KIAA0825: variants seen among roughly 807,000 people sequenced by gnomAD.
KIAA0825 encodes the protein uncharacterized protein KIAA0825.
KIAA0825 carries 119 observed loss-of-function variants against 147.6 expected under a neutral mutation model. The observed-to-expected ratio is 0.81, with a 90% CI of 0.69 to 0.94. The LOEUF is 0.94. Ranked by LOEUF, KIAA0825 falls within the 40% of genes least tolerant of loss-of-function variation. The pLI is 0.00. For synonymous variants in KIAA0825, 470 were observed against 518.1 expected, an observed-to-expected ratio of 0.91 and a Z score of 1.26; for missense variants, 1,381 against 1,472.7, an observed-to-expected ratio of 0.94 and a Z score of 1.02.
intron 20 of KIAA0825, among the ~76,000 whole-genome samples, chr5:94,222,042 T>G (rs1773711534): frequency 6.6e-6 from 1 of 152,138 alleles, no homozygotes; most frequent in Non-Finnish European, 1.5e-5. Context: ...CCTCCCTTTA[T>G]CTCTCAGGGC....
At chr5:94,600,791 C>G (rs1050386434) in intron 1 of KIAA0825, among the ~76,000 whole-genome samples, 1 of 152,210 alleles carries the variant, frequency 6.6e-6, no homozygotes, top group African/African-American at 2.4e-5. Context: ...CATAGCTACT[C>G]TACAAAAGTG....
intron 20 of KIAA0825, among the ~76,000 whole-genome samples, chr5:94,271,701 C>T (rs974422798): frequency 6.6e-6 from 1 of 152,076 alleles, no homozygotes; most frequent in Non-Finnish European, 1.5e-5. Context: ...GAGCTGAGAC[C>T]AGGCCACTGC....
chr5:94,433,835 G>C (rs1756004882), intron 14 of KIAA0825, among the ~76,000 whole-genome samples: 1 of 152,146 alleles, frequency 6.6e-6, no homozygotes, highest in Non-Finnish European at 1.5e-5. Context: ...AGTTTTACTG[G>C]CAATTATTCT....
In KIAA0825 at chr5:94,581,243, C is replaced by G. The variant is rs377271119; in HGVS notation, c.-2+1190G>C. Among the ~76,000 whole-genome samples the G allele has an allele frequency of 3.3e-5, 5 of 152,266 alleles. No homozygotes were observed. The South Asian group carries it at 1.0e-3, about 32-fold the overall frequency. ...TAAAATTTGAACAGAATTATACCAA[C>G]GTCATGTCTTGTTATTTGGGTTTAC... is the stretch of plus-strand genomic sequence containing the variant. On this transcript the variant is annotated intron_variant, in intron 2 of 20. Transcript: ENST00000682413.
Position 94,475,088 on chromosome 5 carries a change from C to CAA in KIAA0825, c.1228-1571_1228-1570dup, listed in dbSNP as rs796762483. ...TGGGCAACAGAGCGAGACTCCATCT[C>CAA]AAAAAAAAAAAAAAATTCATCAAAA... On this transcript the variant is annotated intron_variant, in intron 7 of 20. Coordinates refer to ENST00000682413, the MANE Select transcript of KIAA0825 (RefSeq NM_001145678.3). Among the ~76,000 whole-genome samples the CAA allele has an allele frequency of 7.3e-3, 885 of 121,748 alleles. 7 individuals carry two copies. The highest frequency in any genetic ancestry group is 0.026 in the South Asian group (101 of 3,938). The allele number at this position is 121,748 out of a possible 152,430, so 79.9% of individuals were successfully genotyped here.
intron 20 of KIAA0825, among the ~76,000 whole-genome samples, chr5:94,261,312 AT>A (rs1456096154): frequency 2.0e-5 from 3 of 152,292 alleles, no homozygotes; most frequent in East Asian, 1.9e-4. Context: ...TTCAAAAAAA[AT>A]AATTAAAAAT....
At chr5:94,455,040 G>A (rs886458305) in intron 12 of KIAA0825, among the ~76,000 whole-genome samples, 1 of 152,172 alleles carries the variant, frequency 6.6e-6, no homozygotes, top group Non-Finnish European at 1.5e-5. Flanking sequence ...GGGGGCTGCG[G>A]ACATCCGAAG....
At chr5:94,516,518 C>A (rs948691309) in intron 5 of KIAA0825, among the ~76,000 whole-genome samples, 2 of 152,104 alleles carry the variant, frequency 1.3e-5, no homozygotes, top group Non-Finnish European at 2.9e-5. Context: ...AAAAAGAAAA[C>A]GTGGGCCGGG....
intron 20 of KIAA0825, among the ~76,000 whole-genome samples, chr5:94,333,086 T>C (rs1323847659): frequency 2.0e-5 from 3 of 152,252 alleles, no homozygotes. Context: ...TCTTTTTATC[T>C]TGTTAATTTG....
intron 20 of KIAA0825, among the ~76,000 whole-genome samples, chr5:94,205,268 C>CTTATATATATATATAT (rs1772047283): frequency 1.1e-5 from 1 of 90,308 alleles, no homozygotes; most frequent in African/African-American, 4.5e-5. Flanking sequence ...ACTATTTAAT[C>CTTATATATATATATAT]ATATATATAT....
intron 20 of KIAA0825, among the ~76,000 whole-genome samples, chr5:94,293,686 G>C (rs1437953055): frequency 6.6e-6 from 1 of 152,066 alleles, no homozygotes; most frequent in Non-Finnish European, 1.5e-5. Flanking sequence ...CTGTCTCATT[G>C]ATCTGTCTAA....
At chr5:94,253,287 T>G (rs567840748) in intron 20 of KIAA0825, among the ~76,000 whole-genome samples, 2 of 152,266 alleles carry the variant, frequency 1.3e-5, no homozygotes, top group South Asian at 4.1e-4. Flanking sequence ...CAGTATAAAC[T>G]GCTTCTGTTT....
At chr5:94,155,095 C>T (rs1244737229) in intron 20 of KIAA0825, among the ~76,000 whole-genome samples, 3 of 152,164 alleles carry the variant, frequency 2.0e-5, no homozygotes, top group African/African-American at 7.2e-5. Flanking sequence ...AGAACCAGAA[C>T]CCCTCATTGT....
At chr5:94,614,007 A>C (rs1321280491) in intron 1 of KIAA0825, among the ~76,000 whole-genome samples, 4 of 152,246 alleles carry the variant, frequency 2.6e-5, no homozygotes, top group Non-Finnish European at 5.9e-5. Context: ...ATAGATACGA[A>C]TATGTCTAAA....
chr5:94,595,409 C>T (rs1785106209), intron 1 of KIAA0825, among the ~76,000 whole-genome samples: 2 of 152,202 alleles, frequency 1.3e-5, no homozygotes. Context: ...CTGTACGTTG[C>T]TCCCTTTTAG....
chr5:94,536,952 T>G (rs1327667362), intron 3 of KIAA0825, 44 bp downstream of exon 3: 1 of 1,416,036 alleles, frequency 7.1e-7, no homozygotes, highest in South Asian at 1.3e-5. Flanking sequence ...TTCATATAAG[T>G]GAAATGTGAA....
chr5:94,256,535 G>A (rs955215819), intron 20 of KIAA0825, among the ~76,000 whole-genome samples: 11 of 152,082 alleles, frequency 7.2e-5, no homozygotes, highest in African/African-American at 2.7e-4. Flanking sequence ...CTCTTATGCT[G>A]CACAGATTTA....
chr5:94,214,682 G>C (rs1773048182), intron 20 of KIAA0825, among the ~76,000 whole-genome samples: 1 of 152,166 alleles, frequency 6.6e-6, no homozygotes, highest in Non-Finnish European at 1.5e-5. Context: ...AGTGGCTTAA[G>C]AAATTATTTT....
intron 20 of KIAA0825, among the ~76,000 whole-genome samples, chr5:94,345,993 T>C (rs188801833): frequency 6.6e-6 from 1 of 152,320 alleles, no homozygotes; most frequent in East Asian, 1.9e-4. Context: ...TGCTTTTCCA[T>C]ACAATGTCTG....
Sources: gnomAD v4.1 joint callset for allele counts (sites outside exome capture counted in the v4.1 genomes callset) on GRCh38, gnomAD v4.1.1 for gene constraint, MANE v1.5 for transcripts, NCBI Gene and HGNC (gene_info 2026-07-23, HGNC 2026-07-21) for gene names.